DCUN1D2: variants seen among roughly 807,000 people sequenced by gnomAD.
DCUN1D2 encodes defective in cullin neddylation 1 domain containing 2.
Under a neutral mutation model 30.9 loss-of-function variants are expected in DCUN1D2, and 29 were observed. The observed-to-expected ratio is 0.94, with a 90% CI of 0.70 to 1.28. DCUN1D2 has a LOEUF of 1.28. Ranked by LOEUF, DCUN1D2 falls within the 50% of genes most tolerant of loss-of-function variation. The probability of loss-of-function intolerance (pLI) is 0.00; values close to 1 mark genes in which losing one functional copy is unlikely to be tolerated. For missense variants in DCUN1D2, 325 were observed against 316.9 expected, an observed-to-expected ratio of 1.03 and a Z score of -0.19; for synonymous variants, 121 against 115.3, an observed-to-expected ratio of 1.05 and a Z score of -0.32.
rs962830321 is a variant in DCUN1D2, at chr13:113,474,345, G to C, written c.390-91C>G. The C allele has an allele frequency of 5.3e-6, 8 of 1,502,282 alleles. No individual in the cohort carries two copies. In the Admixed American group the frequency reaches 1.5e-4, roughly 29 times the overall value. 93.1% of individuals were successfully genotyped at this position (1,502,282 alleles called of 1,614,324 possible). On this transcript the variant is annotated intron_variant, in intron 3 of 6. Transcript: ENST00000478244. ...CTGTGCAGGAACTGTGACCAGGCAC[G>C]CAGCTCCAGCTGGAGACCGTATTTC...
At chr13:113,484,416 T>G (rs2044765924) in intron 1 of DCUN1D2, among the ~76,000 whole-genome samples, 1 of 152,108 alleles carries the variant, frequency 6.6e-6, no homozygotes, top group Non-Finnish European at 1.5e-5. Flanking sequence ...CCAGCGGGGG[T>G]CACAGCTGCA....
At chr13:113,469,185 A>G (rs1448121433) in intron 4 of DCUN1D2, among the ~76,000 whole-genome samples, 2 of 151,760 alleles carry the variant, frequency 1.3e-5, no homozygotes, top group Non-Finnish European at 2.9e-5. Context: ...GCCAAGAGGG[A>G]GCACCATGAA....
chr13:113,472,096 G>A lies in DCUN1D2; in HGVS notation c.520+2028C>T, dbSNP rs550637575. On this transcript the variant is annotated intron_variant, in intron 4 of 6. Coordinates refer to ENST00000478244, the MANE Select transcript of DCUN1D2 (RefSeq NM_001014283.2). The stretch of plus-strand genomic sequence containing the variant: ...TACTGGTGGAGACAGCATTCGTTTC[G>A]TCACTCTGAGCCCGTGGTGTGTGCC... 5.9e-4 allele frequency among the ~76,000 whole-genome samples: 89 copies of A among 151,540 alleles called. 1 individual carries two copies. Among genetic ancestry groups the A allele is most frequent in the Non-Finnish European group, 7.8e-4 (53 of 67,940 alleles).
At chr13:113,458,376 C>A (rs766774545) in intron 6 of DCUN1D2, among the ~76,000 whole-genome samples, 60 of 152,336 alleles carry the variant, frequency 3.9e-4, no homozygotes, top group Non-Finnish European at 7.6e-4. Flanking sequence ...GTGCCCCAGG[C>A]AGTCACACCA....
At position 113,461,143 on chromosome 13, in the gene DCUN1D2, AAAAG is replaced by A. The variant is rs766956492; in HGVS notation, c.521-11_521-8del. ...GCAACAGCCATTTCTAAGTCTGGTAAAAAGAAAGAAAGAGCAGTTAGTAAATCTC... is the reference window on the plus strand; with the variant it reads ...GCAACAGCCATTTCTAAGTCTGGTAAAAAGAAAGAGCAGTTAGTAAATCTC... On this transcript the variant is annotated splice_region_variant and splice_polypyrimidine_tract_variant and intron_variant, in intron 4 of 6. Transcript: ENST00000478244. 121 of 1,584,888 alleles carry A rather than the reference AAAAG, an allele frequency of 7.6e-5. No homozygotes were observed. Among genetic ancestry groups the A allele is most frequent in the Non-Finnish European group, 9.8e-5 (113 of 1,156,416 alleles).
intron 1 of DCUN1D2, chr13:113,489,001 GA>G (rs2044856410): frequency 2.2e-6 from 1 of 458,190 alleles, no homozygotes; most frequent in Non-Finnish European, 2.9e-6. Context: ...GTGACCTTGT[GA>G]AATACGACTC....
intron 3 of DCUN1D2, chr13:113,479,211 T>C (rs1009471935): frequency 6.6e-6 from 1 of 152,264 alleles, no homozygotes; most frequent in Non-Finnish European, 1.5e-5. Flanking sequence ...TTCCATCAGT[T>C]ACTACGATGT....
Position 113,459,373 on chromosome 13 carries a change from C to T in DCUN1D2, c.639G>A (p.Trp213Ter), listed in dbSNP as rs1462728816. Residue 213 changes from tryptophan to a stop codon, truncating the protein, a stop_gained, in exon 6 of 7, where the codon TGG becomes TGA. Transcript: ENST00000478244. LOFTEE classifies it high-confidence loss of function. ...HHKRSIPRDT[W>*]NLLLDFGNMI... is the part of the protein sequence containing the mutation. The stretch of plus-strand genomic sequence containing the variant: ...TGTTTCCAAAGTCCAGCAGGAGGTT[C>T]CAGGTGTCCCTTGGAATTGATCTTT... The T allele has an allele frequency of 6.3e-7, 1 of 1,599,962 alleles. No individual in the cohort carries two copies. The highest frequency in any genetic ancestry group is 1.7e-4 in the Middle Eastern group (1 of 6,038).
intron 4 of DCUN1D2, among the ~76,000 whole-genome samples, chr13:113,470,787 C>T (rs1451148893): frequency 1.3e-5 from 2 of 150,460 alleles, no homozygotes; most frequent in Admixed American, 6.6e-5. Context: ...CCACAAGGGA[C>T]CCAACTCCAC....
intron 4 of DCUN1D2, among the ~76,000 whole-genome samples, chr13:113,472,980 T>C (rs2044549492): frequency 6.7e-6 from 1 of 148,840 alleles, no homozygotes; most frequent in African/African-American, 2.5e-5. Context: ...TCTGTCCTTC[T>C]GTCCCCCCGT....
chr13:113,456,094 C>T lies in DCUN1D2; in HGVS notation c.*1935G>A, dbSNP rs1425712783. 2 of 397,418 alleles carry T rather than the reference C, an allele frequency of 5.0e-6. No individual in the cohort carries two copies. The highest frequency in any genetic ancestry group is 3.6e-5 in the East Asian group (1 of 28,084). 24.6% of individuals were successfully genotyped at this position (397,418 alleles called of 1,614,324 possible). On this transcript the variant is annotated 3_prime_UTR_variant, in exon 7 of 7. Coordinates refer to ENST00000478244, the MANE Select transcript of DCUN1D2 (RefSeq NM_001014283.2). ...GAATCCATGAAGCCTGGAAGATACGCTCACGTTTTTGAGGTTTGTATTAAT... is the reference window on the plus strand; with the variant it reads ...GAATCCATGAAGCCTGGAAGATACGTTCACGTTTTTGAGGTTTGTATTAAT...
intron 4 of DCUN1D2, among the ~76,000 whole-genome samples, chr13:113,461,543 G>A (rs966380180): frequency 2.0e-5 from 3 of 152,212 alleles, no homozygotes; most frequent in South Asian, 2.1e-4. Context: ...AGGAAGGAAG[G>A]GACACACTGT....
intron 4 of DCUN1D2, among the ~76,000 whole-genome samples, chr13:113,470,516 A>G (rs919760927): frequency 1.3e-5 from 2 of 152,178 alleles, no homozygotes; most frequent in Non-Finnish European, 2.9e-5. Flanking sequence ...TTAACTCCAC[A>G]GAAGACTCTA....
intron 4 of DCUN1D2, among the ~76,000 whole-genome samples, chr13:113,465,972 G>A (rs770467638): frequency 9.2e-5 from 14 of 152,012 alleles, no homozygotes; most frequent in Admixed American, 1.3e-4. Context: ...TGCAACCTCC[G>A]CCTCCTGGGT....
Position 113,461,006 on chromosome 13 carries a change from G to A in DCUN1D2, c.603+48C>T, listed in dbSNP as rs775583192. The A allele has an allele frequency of 1.5e-5, 19 of 1,276,242 alleles. No individual in the cohort carries two copies. In the Admixed American group the frequency reaches 1.8e-4, roughly 12 times the overall value. The allele number at this position is 1,276,242 out of a possible 1,614,324, so 79.1% of individuals were successfully genotyped here. A position where few individuals can be genotyped will look rare whatever the true frequency, so the allele number is the denominator to read the frequency against. On this transcript the variant is annotated intron_variant, in intron 5 of 6. Transcript: ENST00000478244. ...GATTACATGCAGCCTCATACCTACC[G>A]ACTTCCCTCCACAGTGGGCACACAG...
chr13:113,489,007 C>T, intron 1 of DCUN1D2: 3 of 486,274 alleles, frequency 6.2e-6, no homozygotes, highest in Non-Finnish European at 8.0e-6. Flanking sequence ...TTGTGAAATA[C>T]GACTCATATA....
rs926754461 is a variant in DCUN1D2, at chr13:113,488,680, G to A, written c.3+1987C>T. On this transcript the variant is annotated intron_variant, in intron 1 of 6. Transcript: ENST00000478244. The surrounding 1 kb of genome is among the most constrained non-coding windows in gnomAD (Gnocchi z 4.3). Reference sequence around the variant, plus strand: ...CTGAACCCAGGTCAAATTAACAAAGGCCCAGACGTTGGCAAGAAGCTTCGA... The same window carrying A: ...CTGAACCCAGGTCAAATTAACAAAGACCCAGACGTTGGCAAGAAGCTTCGA... Among the ~76,000 whole-genome samples, 15 of 152,268 alleles carry A rather than the reference G, an allele frequency of 9.9e-5. No individual in the cohort carries two copies. Among genetic ancestry groups the A allele is most frequent in the African/African-American group, 9.6e-5 (4 of 41,540 alleles).
chr13:113,462,331 A>C (rs1407444179), intron 4 of DCUN1D2, among the ~76,000 whole-genome samples: 1 of 151,990 alleles, frequency 6.6e-6, no homozygotes, highest in East Asian at 1.9e-4. Context: ...ATCATGTTGA[A>C]TAGTGTTCAC....
rs371754040 is a variant in DCUN1D2, at chr13:113,459,286, A to C, written c.700+26T>G. On this transcript the variant is annotated intron_variant, in intron 6 of 6. Coordinates refer to ENST00000478244, the MANE Select transcript of DCUN1D2 (RefSeq NM_001014283.2). ...TTCTCAGGTGTAAGCATTTCGGTCA[A>C]TCATCTGAAGCACAACTTCCGGTAC... 32 of 1,298,106 alleles carry C rather than the reference A, an allele frequency of 2.5e-5. No homozygotes were observed. The East Asian group carries it at 6.7e-4, about 27-fold the overall frequency. 80.4% of individuals were successfully genotyped at this position (1,298,106 alleles called of 1,614,324 possible). A position where few individuals can be genotyped will look rare whatever the true frequency, so the allele number is the denominator to read the frequency against.
Sources: allele counts gnomAD v4.1 joint callset (sites outside exome capture counted in the v4.1 genomes callset), GRCh38; gene constraint gnomAD v4.1.1; non-coding constraint Gnocchi (gnomAD v3.1); transcripts MANE v1.5; gene names NCBI Gene and HGNC (gene_info 2026-07-23, HGNC 2026-07-21).